The following MAGI2 variants were observed in gnomAD, a reference collection of about 807,000 sequenced individuals.
MAGI2 encodes the protein membrane-associated guanylate kinase, WW and PDZ domain-containing protein 2.
A neutral mutation model predicts 133.3 loss-of-function variants in MAGI2; 35 were observed. The observed-to-expected ratio is 0.26, with a 90% CI of 0.20 to 0.35. The LOEUF is 0.35. Ranked by LOEUF, MAGI2 falls within the 10% of genes least tolerant of loss-of-function variation. The probability of loss-of-function intolerance (pLI) is 1.00; values close to 1 mark genes in which losing one functional copy is unlikely to be tolerated. For missense variants in MAGI2, 1,636 were observed against 1,863.4 expected, an observed-to-expected ratio of 0.88 and a Z score of 2.25; for synonymous variants, 729 against 710.6, an observed-to-expected ratio of 1.03 and a Z score of -0.41.
At chr7:78,815,656 A>G (rs1354860178) in intron 2 of MAGI2, among the ~76,000 whole-genome samples, 2 of 152,016 alleles carry the variant, frequency 1.3e-5, no homozygotes, top group African/African-American at 4.8e-5. Flanking sequence ...CATTATGATT[A>G]TATTTGTCAC....
intron 2 of MAGI2, among the ~76,000 whole-genome samples, chr7:78,820,016 G>T (rs1017068913): frequency 5.9e-5 from 9 of 151,924 alleles, no homozygotes; most frequent in Non-Finnish European, 5.9e-5. Flanking sequence ...ATGTATGTGG[G>T]CAGGAAGAGT....
chr7:78,151,978 GA>G (rs1156626234), intron 16 of MAGI2, among the ~76,000 whole-genome samples: 2 of 152,056 alleles, frequency 1.3e-5, no homozygotes, highest in African/African-American at 4.8e-5. Flanking sequence ...CAGGAATTGT[GA>G]AGGATCCAAA....
intron 2 of MAGI2, among the ~76,000 whole-genome samples, chr7:78,838,509 A>AGTGTGTGTGT (rs34844201): frequency 2.8e-4 from 41 of 147,856 alleles, no homozygotes; most frequent in Admixed American, 9.5e-4. Context: ...TATGTGTGTG[A>AGTGTGTGTGT]GTGTGTGTGT....
Position 78,256,505 on chromosome 7 carries a change from A to G in MAGI2, c.1485T>C (p.Ser495=), listed in dbSNP as rs1441148743. Residue 495 remains serine, a synonymous_variant, in exon 10 of 22, where the codon TCT becomes TCC. Coordinates refer to ENST00000354212, the MANE Select transcript of MAGI2 (RefSeq NM_012301.4). ...GGTTGACACTCTGACCAATAGGAAC[A>G]GACTGGAAAAGTTTGACAACATCTG... ...THADVVKLFQ[S]VPIGQSVNLV... 6.2e-7 allele frequency: 1 copy of G among 1,613,870 alleles called. No individual in the cohort carries two copies. The highest frequency in any genetic ancestry group is 8.5e-7 in the Non-Finnish European group (1 of 1,179,972).
chr7:78,179,687 C>A (rs1827004504), intron 13 of MAGI2, among the ~76,000 whole-genome samples: 1 of 152,164 alleles, frequency 6.6e-6, no homozygotes, highest in African/African-American at 2.4e-5. Flanking sequence ...TTAAACTCTG[C>A]AAGAAGAATA....
At chr7:78,055,214 T>A (rs1177516595) in intron 21 of MAGI2, among the ~76,000 whole-genome samples, 1 of 152,214 alleles carries the variant, frequency 6.6e-6, no homozygotes, top group Non-Finnish European at 1.5e-5. Context: ...GATAATAACC[T>A]AGTAAAAATT....
chr7:78,286,658 A>AAG (rs1469679778), intron 9 of MAGI2, among the ~76,000 whole-genome samples: 6 of 152,070 alleles, frequency 3.9e-5, no homozygotes, highest in Non-Finnish European at 8.8e-5. Context: ...CTGTGGGGGC[A>AAG]TGTCTGGGGA....
intron 20 of MAGI2, among the ~76,000 whole-genome samples, chr7:78,086,916 G>C (rs1455798134): frequency 6.6e-6 from 1 of 152,156 alleles, no homozygotes; most frequent in Non-Finnish European, 1.5e-5. Flanking sequence ...GATTACAGGC[G>C]TGAGCTACTG....
intron 6 of MAGI2, among the ~76,000 whole-genome samples, chr7:78,429,831 G>A (rs1799624496): frequency 1.3e-5 from 2 of 152,062 alleles, no homozygotes; most frequent in Non-Finnish European, 2.9e-5. Flanking sequence ...TTGACCTCAT[G>A]AGTACCCAAA....
chr7:78,090,723 A>C (rs543370279), intron 20 of MAGI2, among the ~76,000 whole-genome samples: 1 of 152,246 alleles, frequency 6.6e-6, no homozygotes, highest in Non-Finnish European at 1.5e-5. Context: ...GGTAAAAACA[A>C]CACAATCTTC....
At chr7:78,742,403 T>C (rs765586054) in intron 2 of MAGI2, among the ~76,000 whole-genome samples, 6 of 152,182 alleles carry the variant, frequency 3.9e-5, no homozygotes, top group African/African-American at 1.4e-4. Flanking sequence ...TGGCTAAGCA[T>C]GTCAGAAAAT....
chr7:78,857,164 G>A (rs1047259615), intron 2 of MAGI2, among the ~76,000 whole-genome samples: 8 of 152,154 alleles, frequency 5.3e-5, no homozygotes, highest in African/African-American at 1.9e-4. Context: ...TGAGACAATG[G>A]GGTTTTCTAA....
chr7:78,110,444 G>C (rs894520402), intron 20 of MAGI2, among the ~76,000 whole-genome samples: 6 of 152,196 alleles, frequency 3.9e-5, no homozygotes, highest in Non-Finnish European at 8.8e-5. Flanking sequence ...AAAAATGAAT[G>C]CGCTGAACAT....
intron 2 of MAGI2, among the ~76,000 whole-genome samples, chr7:78,637,933 C>T (rs1245038289): frequency 1.3e-5 from 2 of 151,998 alleles, no homozygotes; most frequent in African/African-American, 2.4e-5. Flanking sequence ...TAAAAATTAG[C>T]TTGGTATAGT....
At chr7:78,707,729 T>C (rs993479151) in intron 2 of MAGI2, among the ~76,000 whole-genome samples, 1 of 152,114 alleles carries the variant, frequency 6.6e-6, no homozygotes, top group African/African-American at 2.4e-5. Context: ...GTCCCTAATA[T>C]CTTTTTGTGT....
intron 2 of MAGI2, among the ~76,000 whole-genome samples, chr7:78,782,739 G>A (rs188371015): frequency 6.5e-4 from 99 of 152,232 alleles, no homozygotes; most frequent in Middle Eastern, 3.4e-3. Flanking sequence ...AGCAGATATG[G>A]CCTGGGCAAA....
At chr7:78,450,433 TAATC>T (rs1406042977) in intron 6 of MAGI2, among the ~76,000 whole-genome samples, 1 of 152,104 alleles carries the variant, frequency 6.6e-6, no homozygotes, top group Admixed American at 6.6e-5. Flanking sequence ...AGGAATAAAT[TAATC>T]AACTCAAATA....
chr7:78,941,259 T>C (rs1231243799), intron 2 of MAGI2, among the ~76,000 whole-genome samples: 2 of 152,190 alleles, frequency 1.3e-5, no homozygotes, highest in Non-Finnish European at 2.9e-5. Flanking sequence ...CCTAAAACTT[T>C]CTGTTGGCTC....
intron 10 of MAGI2, among the ~76,000 whole-genome samples, chr7:78,215,497 G>A (rs1337508613): frequency 6.6e-6 from 1 of 152,266 alleles, no homozygotes; most frequent in South Asian, 2.1e-4. Flanking sequence ...ATGAAAACAG[G>A]CAAACCATAC....
Sources: allele counts gnomAD v4.1 joint callset (sites outside exome capture counted in the v4.1 genomes callset), GRCh38; gene constraint gnomAD v4.1.1; transcripts MANE v1.5; gene names NCBI Gene and HGNC (gene_info 2026-07-23, HGNC 2026-07-21).